Variants in ZNF469 observed in about 807,000 individuals in gnomAD.
ZNF469 encodes zinc finger protein 469.
Under a neutral mutation model 1.0 loss-of-function variants are expected in ZNF469, and 1 was observed. The ratio of observed to expected loss-of-function variants is 1.00; its 90% confidence interval spans 0.35 to 4.73. ZNF469 has a LOEUF of 4.73. Among genes scored for constraint, ZNF469 ranks in the 30% most tolerant of loss-of-function variants. The probability of loss-of-function intolerance (pLI) is 0.16; values close to 1 mark genes in which losing one functional copy is unlikely to be tolerated. For missense variants in ZNF469, 6,100 were observed against 5,356.3 expected, an observed-to-expected ratio of 1.14 and a Z score of -4.33; for synonymous variants, 2,703 against 2,363.4, an observed-to-expected ratio of 1.14 and a Z score of -4.17.
chr16:88,432,867 T>A lies in ZNF469; in HGVS notation c.5397T>A (p.Pro1799=). 1.3e-6 allele frequency: 2 copies of A among 1,550,276 alleles called. No homozygotes were observed. Among genetic ancestry groups the A allele is most frequent in the Non-Finnish European group, 1.7e-6 (2 of 1,146,960 alleles). Residue 1799 remains proline (P), a synonymous_variant, in exon 3 of 3, where the codon CCT becomes CCA. Coordinates refer to ENST00000565624, the MANE Select transcript of ZNF469 (RefSeq NM_001367624.2). ...CTGCTCCAGAAGCTTTTGGCAGCCC[T>A]GCTGTCCATCTGGCCCCTGACTTGG... ...GAPAPEAFGS[P]AVHLAPDLAF... is the part of the protein sequence containing the mutation.
the ZNF469 span, among the ~76,000 whole-genome samples, chr16:88,284,183 G>A: frequency 6.6e-5 from 9 of 136,674 alleles, no homozygotes; most frequent in African/African-American, 1.6e-4. Context: ...CCCAGTGACC[G>A]AGGTCAGCGG....
chr16:88,380,991 C>T (rs111210139), upstream of ZNF469, among the ~76,000 whole-genome samples: 233 of 133,560 alleles, frequency 1.7e-3, 5 homozygotes, highest in African/African-American at 6.8e-3. Flanking sequence ...TGCACTCACA[C>T]AGACATGCAC....
chr16:88,407,584 G>A (rs893941934), intron 1 of ZNF469, among the ~76,000 whole-genome samples: 5 of 152,246 alleles, frequency 3.3e-5, no homozygotes, highest in African/African-American at 7.2e-5. Context: ...CCTTGTCCCC[G>A]TTTTGTGCAG....
chr16:88,408,593 C>G (rs1905072952), intron 1 of ZNF469, among the ~76,000 whole-genome samples: 1 of 151,962 alleles, frequency 6.6e-6, no homozygotes, highest in African/African-American at 2.4e-5. Context: ...CTCAGGAATG[C>G]CCTCCCAGAC....
At chr16:88,413,006 G>A (rs1444606522) in intron 1 of ZNF469, among the ~76,000 whole-genome samples, 1 of 152,048 alleles carries the variant, frequency 6.6e-6, no homozygotes, top group Non-Finnish European at 1.5e-5. Context: ...TGAGTGGGAG[G>A]GTCACCGAGA....
the ZNF469 span, among the ~76,000 whole-genome samples, chr16:88,261,751 C>G: frequency 6.6e-6 from 1 of 152,292 alleles, no homozygotes; most frequent in African/African-American, 2.4e-5. This position sits in a 1 kb window ranked among gnomAD's most constrained non-coding sequence, Gnocchi z 6.0. Context: ...GGGGCTGCCT[C>G]GGTTAACTCC....
chr16:88,149,986 C>G, the ZNF469 span, among the ~76,000 whole-genome samples: 2 of 152,208 alleles, frequency 1.3e-5, no homozygotes, highest in African/African-American at 4.8e-5. Context: ...GGCAGGGGCA[C>G]AGCCCCCCAG....
the ZNF469 span, among the ~76,000 whole-genome samples, chr16:88,360,884 G>A: frequency 1.1e-4 from 16 of 152,250 alleles, no homozygotes; most frequent in East Asian, 3.9e-4. Context: ...CTCAGGGACC[G>A]GTTTCATGGA....
the ZNF469 span, among the ~76,000 whole-genome samples, chr16:88,351,943 G>A: frequency 3.3e-5 from 5 of 152,350 alleles, no homozygotes; most frequent in South Asian, 6.2e-4. Flanking sequence ...CGTGTCCCAC[G>A]TGAGGAAGGG....
chr16:88,195,542 C>A, the ZNF469 span, among the ~76,000 whole-genome samples: 1 of 152,228 alleles, frequency 6.6e-6, no homozygotes, highest in Non-Finnish European at 1.5e-5. Flanking sequence ...GGCCAAGAGA[C>A]AAGGTTGCAG....
At chr16:88,182,422 C>G in the ZNF469 span, among the ~76,000 whole-genome samples, 2 of 151,982 alleles carry the variant, frequency 1.3e-5, no homozygotes, top group Non-Finnish European at 2.9e-5. Context: ...AAATAACTCA[C>G]ACAACTTTGA....
chr16:88,148,373 G>C, the ZNF469 span, among the ~76,000 whole-genome samples: 2 of 152,150 alleles, frequency 1.3e-5, no homozygotes, highest in African/African-American at 4.8e-5. Flanking sequence ...GCTCCATGCC[G>C]GACACACACC....
the ZNF469 span, among the ~76,000 whole-genome samples, chr16:88,255,767 T>C: frequency 6.6e-6 from 1 of 151,928 alleles, no homozygotes; most frequent in South Asian, 2.1e-4. Context: ...AGACTAAGAG[T>C]ATGGAAGGGT....
the ZNF469 span, among the ~76,000 whole-genome samples, chr16:88,116,909 C>T: frequency 2.7e-5 from 4 of 149,476 alleles, no homozygotes; most frequent in South Asian, 2.1e-4. Flanking sequence ...GGCAGTTACA[C>T]GAATCTACAC....
At chr16:88,163,497 A>AATGGATGG in the ZNF469 span, among the ~76,000 whole-genome samples, 20 of 135,356 alleles carry the variant, frequency 1.5e-4, 1 homozygote, top group Admixed American at 3.0e-4. Flanking sequence ...AGGATGGATG[A>AATGGATGG]ATGGATGGAT....
chr16:88,360,891 T>C, the ZNF469 span, among the ~76,000 whole-genome samples: 1 of 152,144 alleles, frequency 6.6e-6, no homozygotes, highest in Non-Finnish European at 1.5e-5. Flanking sequence ...ACCGGTTTCA[T>C]GGAAGATAAT....
the ZNF469 span, among the ~76,000 whole-genome samples, chr16:88,209,292 CT>C: frequency 0.011 from 1,546 of 146,958 alleles, 21 homozygotes; most frequent in African/African-American, 0.028. Flanking sequence ...TTTCTTTTTT[CT>C]TTTTTTTTTT....
At chr16:88,202,052 C>T in the ZNF469 span, among the ~76,000 whole-genome samples, 16 of 152,164 alleles carry the variant, frequency 1.1e-4, no homozygotes, top group Non-Finnish European at 5.9e-5. Context: ...GCCGTGCTCC[C>T]CCCAGGAGTA....
chr16:88,434,143 C>T lies in ZNF469; in HGVS notation c.6673C>T (p.Pro2225Ser). ...LQGEGSPLED[P>S]SSWPPGSVSA... ...GGGGGAGGGCAGCCCCCTGGAAGACCCTTCCTCCTGGCCTCCTGGCTCCGT... is the reference window on the plus strand; with the variant it reads ...GGGGGAGGGCAGCCCCCTGGAAGACTCTTCCTCCTGGCCTCCTGGCTCCGT... The change falls in exon 3 of 3, where the codon CCT becomes TCT. Residue 2225 changes from proline (P) to serine (S), a missense_variant. Physicochemically the swap from Pro to Ser is moderately conservative, Grantham distance 74. Transcript: ENST00000565624. 1 of 1,550,328 alleles carries T rather than the reference C, an allele frequency of 6.5e-7. No individual in the cohort carries two copies. Among genetic ancestry groups the T allele is most frequent in the Non-Finnish European group, 8.7e-7 (1 of 1,146,950 alleles).
Sources: gnomAD v4.1 joint callset for allele counts (sites outside exome capture counted in the v4.1 genomes callset) on GRCh38, gnomAD v4.1.1 for gene constraint, Gnocchi (gnomAD v3.1) non-coding constraint, MANE v1.5 for transcripts, NCBI Gene and HGNC (gene_info 2026-07-23, HGNC 2026-07-21) for gene names.